NOVA1: variants seen among roughly 807,000 people sequenced by gnomAD.
NOVA1 encodes NOVA alternative splicing regulator 1, also known as RNA-binding protein Nova-1.
In NOVA1, 7 loss-of-function variants were observed where a neutral mutation model predicts 38.0. The ratio of observed to expected loss-of-function variants is 0.18; its 90% CI spans 0.10 to 0.35. NOVA1 has a LOEUF of 0.35. NOVA1 is among the 10% of genes least tolerant of loss of function. The pLI, the probability that NOVA1 is intolerant of heterozygous loss-of-function variation, is 1.00. For synonymous variants in NOVA1, 270 were observed against 232.5 expected (o/e 1.16, Z -1.47); for missense variants, 460 against 616.0 (o/e 0.75, Z 2.68).
Position 26,444,761 on chromosome 14 carries a change from G to A in NOVA1, c.*3198C>T, listed in dbSNP as rs1203956336. 1.3e-5 allele frequency: 2 copies of A among 151,718 alleles called. No individual in the cohort carries two copies. Among genetic ancestry groups the A allele is most frequent in the East Asian group, 3.9e-4 (2 of 5,156 alleles). The allele number at this position is 151,718 out of a possible 1,614,324, so 9.4% of individuals were successfully genotyped here. On this transcript the variant is annotated 3_prime_UTR_variant, in exon 5 of 5. Coordinates refer to ENST00000539517, the MANE Select transcript of NOVA1 (RefSeq NM_002515.3). ...CGAAATTGGTCTTCAGTGCAAAGAG[G>A]AAGGCAGCCGTTTAAAAAGTCTAGG...
chr14:26,515,447 G>A (rs1057155459), intron 2 of NOVA1, among the ~76,000 whole-genome samples: 6 of 151,828 alleles, frequency 4.0e-5, no homozygotes, highest in East Asian at 3.9e-4. Flanking sequence ...ACTAGTAGTC[G>A]TCAATTGTCA....
chr14:26,479,730 A>C (rs1885285760), intron 3 of NOVA1: 1 of 400,684 alleles, frequency 2.5e-6, no homozygotes, highest in Non-Finnish European at 4.4e-6. Context: ...AAAAAGGGCA[A>C]TCACTAAGAG....
intron 2 of NOVA1, among the ~76,000 whole-genome samples, chr14:26,570,511 G>A (rs1892404158): frequency 6.6e-6 from 1 of 151,856 alleles, no homozygotes; most frequent in Non-Finnish European, 1.5e-5. Flanking sequence ...ACAGATTAAG[G>A]AGAAAACAAA....
intron 2 of NOVA1, among the ~76,000 whole-genome samples, chr14:26,560,548 A>G (rs1039441722): frequency 5.3e-5 from 8 of 152,148 alleles, no homozygotes; most frequent in African/African-American, 1.9e-4. Flanking sequence ...CTATACTATA[A>G]TAGAATCTAT....
intron 2 of NOVA1, among the ~76,000 whole-genome samples, chr14:26,556,024 C>T (rs1299275571): frequency 6.6e-6 from 1 of 152,106 alleles, no homozygotes; most frequent in East Asian, 1.9e-4. Context: ...AAGTAAATGA[C>T]CTATTTCATG....
intron 2 of NOVA1, among the ~76,000 whole-genome samples, chr14:26,495,946 G>A (rs1429658564): frequency 1.9e-3 from 237 of 126,198 alleles, no homozygotes; most frequent in Middle Eastern, 0.014. Flanking sequence ...GAATAGTGCC[G>A]CAATAAACAT....
intron 2 of NOVA1, among the ~76,000 whole-genome samples, chr14:26,490,951 G>A (rs954169888): frequency 4.9e-5 from 7 of 142,100 alleles, no homozygotes; most frequent in South Asian, 2.4e-4. Context: ...CTGGGTTCCC[G>A]CCATTCTCCT....
chr14:26,504,272 G>T (rs1156803895), intron 2 of NOVA1, among the ~76,000 whole-genome samples: 1 of 152,060 alleles, frequency 6.6e-6, no homozygotes, highest in African/African-American at 2.4e-5. Flanking sequence ...TCAACAGATG[G>T]TTTTTCCCAT....
intron 2 of NOVA1, among the ~76,000 whole-genome samples, chr14:26,518,912 T>A (rs1168650371): frequency 6.6e-6 from 1 of 152,100 alleles, no homozygotes; most frequent in Non-Finnish European, 1.5e-5. Flanking sequence ...GTGTAAAATG[T>A]GATTACTAAA....
intron 2 of NOVA1, among the ~76,000 whole-genome samples, chr14:26,571,303 TC>T (rs1229705133): frequency 6.6e-6 from 1 of 152,088 alleles, no homozygotes; most frequent in Non-Finnish European, 1.5e-5. Context: ...GAAGTATTCC[TC>T]CCCTAAGGTG....
rs1350280845 is a variant in NOVA1 at position 26,448,822 on chromosome 14, C to G, written c.661G>C (p.Val221Leu). 6 of 1,614,112 alleles carry G rather than the reference C, an allele frequency of 3.7e-6. No individual in the cohort carries two copies. The highest frequency in any genetic ancestry group is 5.1e-6 in the Non-Finnish European group (6 of 1,180,012). The change falls in exon 5 of 5, where the codon GTC becomes CTC. Residue 221 changes from valine (V) to leucine (L), a missense_variant. Val to Leu is a conservative substitution (Grantham distance 32, BLOSUM62 1). Transcript: ENST00000539517. The surrounding 1 kb of genome is among the most constrained non-coding windows in gnomAD (Gnocchi z 5.3). ...PDGINLQERV[V>L]TVSGEPEQNR... is the part of the protein sequence containing the mutation. ...TGTTCAGGTTCTCCACTCACAGTGA[C>G]AACCCTCTCTTGCAAGTTGATCCCA...
intron 2 of NOVA1, among the ~76,000 whole-genome samples, chr14:26,501,620 G>A (rs1456021593): frequency 6.6e-6 from 1 of 151,540 alleles, no homozygotes; most frequent in Non-Finnish European, 1.5e-5. Context: ...TTTAAAAATT[G>A]TTATATTATT....
chr14:26,470,247 AG>A, intron 4 of NOVA1: 2 of 1,183,792 alleles, frequency 1.7e-6, no homozygotes, highest in Non-Finnish European at 2.2e-6. Context: ...TCCAGATATA[AG>A]TCAGTATAGC....
intron 3 of NOVA1, among the ~76,000 whole-genome samples, chr14:26,476,327 TC>T (rs542879812): frequency 1.8e-4 from 27 of 151,826 alleles, no homozygotes; most frequent in African/African-American, 6.3e-4. Context: ...TTCTTTTTTT[TC>T]CCCCCCAAAA....
chr14:26,473,268 G>A (rs1566453898), intron 3 of NOVA1, among the ~76,000 whole-genome samples: 1 of 151,340 alleles, frequency 6.6e-6, no homozygotes, highest in Non-Finnish European at 1.5e-5. Context: ...TTTTAAAAAA[G>A]TTCTTATGTC....
chr14:26,581,935 A>G (rs1164814736), intron 2 of NOVA1, among the ~76,000 whole-genome samples: 1 of 151,886 alleles, frequency 6.6e-6, no homozygotes, highest in African/African-American at 2.4e-5. Context: ...AAAAACTTCT[A>G]CCTACACTGA....
intron 2 of NOVA1, among the ~76,000 whole-genome samples, chr14:26,508,856 AAAAG>A (rs1887841668): frequency 6.6e-6 from 1 of 151,850 alleles, no homozygotes; most frequent in African/African-American, 2.4e-5. Context: ...ATTTTAAAAT[AAAAG>A]AAAAAATTTA....
chr14:26,463,537 A>C (rs868066484), intron 4 of NOVA1, among the ~76,000 whole-genome samples: 1 of 152,098 alleles, frequency 6.6e-6, no homozygotes, highest in African/African-American at 2.4e-5. Flanking sequence ...TTGGGTTTTC[A>C]TATGAACCTA....
intron 4 of NOVA1, among the ~76,000 whole-genome samples, chr14:26,453,163 A>AT (rs982528087): frequency 2.8e-5 from 4 of 141,084 alleles, no homozygotes; most frequent in Admixed American, 7.3e-5. Flanking sequence ...AACTGCTTCA[A>AT]TTATGTATGT....
Sources: gnomAD v4.1 joint callset for allele counts (sites outside exome capture counted in the v4.1 genomes callset) on GRCh38, gnomAD v4.1.1 for gene constraint, Gnocchi (gnomAD v3.1) non-coding constraint, MANE v1.5 for transcripts, NCBI Gene and HGNC (gene_info 2026-07-23, HGNC 2026-07-21) for gene names.